CDK14: variants seen among roughly 807,000 people sequenced by gnomAD.
CDK14 encodes cyclin dependent kinase 14.
A neutral mutation model predicts 60.7 loss-of-function variants in CDK14; 34 were observed. That is an observed-to-expected ratio of 0.56 (90% CI 0.43 to 0.75). The LOEUF is 0.75. Among genes scored for constraint, CDK14 ranks in the 30% least tolerant of loss-of-function variants. The pLI is 0.00. For synonymous variants in CDK14, 197 were observed against 203.7 expected (o/e 0.97, Z 0.28); for missense variants, 482 against 564.1 (o/e 0.85, Z 1.47).
intron 14 of CDK14, among the ~76,000 whole-genome samples, chr7:91,154,089 A>G (rs1349946127): frequency 6.6e-6 from 1 of 152,076 alleles, no homozygotes; most frequent in Non-Finnish European, 1.5e-5. Flanking sequence ...AACCTCAGAA[A>G]CAATTTTGAT....
At chr7:90,826,117 T>A (rs1789713631) in intron 5 of CDK14, among the ~76,000 whole-genome samples, 1 of 152,236 alleles carries the variant, frequency 6.6e-6, no homozygotes, top group Non-Finnish European at 1.5e-5. Context: ...AGGACAAAGC[T>A]CTTAAATGTT....
At chr7:90,783,301 AT>A (rs1805423509) in intron 4 of CDK14, among the ~76,000 whole-genome samples, 1 of 152,042 alleles carries the variant, frequency 6.6e-6, no homozygotes, top group African/African-American at 2.4e-5. Context: ...CTATTGTTTT[AT>A]TAATCTTTGG....
chr7:91,005,379 G>T (rs531702711), intron 10 of CDK14, among the ~76,000 whole-genome samples: 2 of 152,344 alleles, frequency 1.3e-5, no homozygotes, highest in African/African-American at 2.4e-5. Flanking sequence ...TTAGCATCTT[G>T]TCAGCTGGCA....
At chr7:91,107,141 T>C (rs696268) in intron 12 of CDK14, among the ~76,000 whole-genome samples, 75,762 of 152,114 alleles carry the variant, frequency 0.5, 20,305 homozygotes, top group East Asian at 0.86. Context: ...TCACGTCCTG[T>C]TACTGCCATC....
At chr7:90,961,009 A>G (rs933921419) in intron 9 of CDK14, among the ~76,000 whole-genome samples, 1 of 152,124 alleles carries the variant, frequency 6.6e-6, no homozygotes, top group African/African-American at 2.4e-5. Flanking sequence ...AGAAAACCAA[A>G]CCCAGAGATA....
intron 11 of CDK14, among the ~76,000 whole-genome samples, chr7:91,061,431 C>T (rs1489215710): frequency 1.3e-5 from 2 of 152,180 alleles, no homozygotes; most frequent in Admixed American, 6.5e-5. Flanking sequence ...AGCTTTGTTC[C>T]GTTGCTGGTG....
chr7:90,714,579 A>G (rs1401434073), intron 2 of CDK14, among the ~76,000 whole-genome samples: 1 of 151,978 alleles, frequency 6.6e-6, no homozygotes, highest in African/African-American at 2.4e-5. Flanking sequence ...AGATACTTCC[A>G]TTTTCTCCTC....
At chr7:91,143,172 G>C (rs1427293372) in intron 14 of CDK14, among the ~76,000 whole-genome samples, 1 of 152,140 alleles carries the variant, frequency 6.6e-6, no homozygotes, top group Non-Finnish European at 1.5e-5. Context: ...TCCAGGAAGG[G>C]GCACCTAAAA....
At chr7:90,751,747 AAAAC>A (rs1803854924) in intron 4 of CDK14, among the ~76,000 whole-genome samples, 2 of 152,178 alleles carry the variant, frequency 1.3e-5, no homozygotes, top group Admixed American at 6.5e-5. Context: ...TAAGGAAAGA[AAAAC>A]AAGACCTATC....
intron 2 of CDK14, among the ~76,000 whole-genome samples, chr7:90,717,313 A>G (rs780600209): frequency 6.6e-6 from 1 of 152,124 alleles, no homozygotes; most frequent in Non-Finnish European, 1.5e-5. Context: ...TTAACAACAT[A>G]TACCAAAGCT....
chr7:90,786,671 C>T (rs115164851), intron 4 of CDK14, among the ~76,000 whole-genome samples: 29 of 152,136 alleles, frequency 1.9e-4, no homozygotes, highest in African/African-American at 7.0e-4. Flanking sequence ...AATCCCAGCA[C>T]TTTAGGAGGG....
intron 2 of CDK14, among the ~76,000 whole-genome samples, chr7:90,692,328 A>G (rs1418849495): frequency 6.6e-6 from 1 of 152,138 alleles, no homozygotes; most frequent in African/African-American, 2.4e-5. Flanking sequence ...CTTATTTTTC[A>G]AGTATTATCA....
intron 10 of CDK14, among the ~76,000 whole-genome samples, chr7:91,010,839 C>CCTTCCTTCTTT (rs1796137547): frequency 2.1e-5 from 2 of 93,348 alleles, no homozygotes; most frequent in Admixed American, 1.1e-4. Context: ...CTTCCTCCCT[C>CCTTCCTTCTTT]CCTCCCTCCC....
intron 3 of CDK14, among the ~76,000 whole-genome samples, chr7:90,739,229 A>G (rs77408527): frequency 0.018 from 2,725 of 152,314 alleles, 40 homozygotes; most frequent in Non-Finnish European, 0.024. Flanking sequence ...GGCAGATAAT[A>G]TTGATTTTTT....
intron 7 of CDK14, among the ~76,000 whole-genome samples, chr7:90,904,919 A>G (rs1423745359): frequency 2.6e-5 from 4 of 152,210 alleles, no homozygotes; most frequent in African/African-American, 9.6e-5. Flanking sequence ...GAAAATTTGG[A>G]CACAGAAGTA....
At chr7:90,843,433 A>G (rs7790827) in intron 5 of CDK14, among the ~76,000 whole-genome samples, 10,779 of 152,226 alleles carry the variant, frequency 0.071, 501 homozygotes, top group South Asian at 0.11. Context: ...AAGCACTGGG[A>G]ATTAGCTGTG....
chr7:90,944,007 G>A (rs912624954), intron 8 of CDK14, among the ~76,000 whole-genome samples: 7 of 152,284 alleles, frequency 4.6e-5, no homozygotes, highest in Non-Finnish European at 1.0e-4. Flanking sequence ...TGCTCTCAGG[G>A]AACTGGAATA....
intron 14 of CDK14, among the ~76,000 whole-genome samples, chr7:91,158,467 T>C (rs1355476280): frequency 6.6e-6 from 1 of 152,120 alleles, no homozygotes; most frequent in Non-Finnish European, 1.5e-5. Context: ...TCTGCCTGCC[T>C]TGACCTCCCA....
chr7:90,634,244 C>A (rs1800076740), intron 2 of CDK14, among the ~76,000 whole-genome samples: 1 of 151,268 alleles, frequency 6.6e-6, no homozygotes, highest in Non-Finnish European at 1.5e-5. Flanking sequence ...ATTAACTCAT[C>A]ATTTAGCATT....
Sources: allele counts gnomAD v4.1 joint callset (sites outside exome capture counted in the v4.1 genomes callset), GRCh38; gene constraint gnomAD v4.1.1; transcripts MANE v1.5; gene names NCBI Gene and HGNC (gene_info 2026-07-23, HGNC 2026-07-21).